Variants in ETFA observed in about 807,000 individuals in gnomAD.
ETFA encodes electron transfer flavoprotein subunit alpha, mitochondrial.
In ETFA, 22 loss-of-function variants were observed where a neutral mutation model predicts 46.2. The ratio of observed to expected loss-of-function variants is 0.48; its 90% CI spans 0.34 to 0.68. The LOEUF (loss-of-function observed/expected upper bound fraction) is 0.68, where lower values mean the gene tolerates loss of function less well. ETFA is among the 30% of genes least tolerant of loss of function. The pLI is 0.01. For synonymous variants in ETFA, 131 were observed against 139.9 expected, an observed-to-expected ratio of 0.94 and a Z score of 0.45; for missense variants, 345 against 401.1, an observed-to-expected ratio of 0.86 and a Z score of 1.19.
intron 1 of ETFA, among the ~76,000 whole-genome samples, chr15:76,301,284 C>A (rs865890142): frequency 6.6e-6 from 1 of 152,180 alleles, no homozygotes; most frequent in African/African-American, 2.4e-5. Context: ...ATCATATTCA[C>A]CTGATTGTCT....
chr15:76,295,439 T>C (rs530233199), intron 2 of ETFA, 152 bp downstream of exon 2: 1 of 719,510 alleles, frequency 1.4e-6, no homozygotes, highest in South Asian at 1.5e-5. Flanking sequence ...TTAGTTCCTT[T>C]TTCACACATG....
intron 9 of ETFA, among the ~76,000 whole-genome samples, chr15:76,243,831 CAA>C (rs2039218713): frequency 6.7e-6 from 1 of 150,078 alleles, no homozygotes; most frequent in African/African-American, 2.4e-5. Flanking sequence ...AAAAAAAAAA[CAA>C]AGTTTTTTTC....
intron 9 of ETFA, among the ~76,000 whole-genome samples, chr15:76,236,091 T>C (rs996066780): frequency 6.6e-6 from 1 of 152,210 alleles, no homozygotes; most frequent in African/African-American, 2.4e-5. Context: ...AGTAAGTATA[T>C]ACTAACATCA....
intron 11 of ETFA, among the ~76,000 whole-genome samples, chr15:76,220,192 G>A (rs935940379): frequency 2.6e-5 from 4 of 152,138 alleles, no homozygotes; most frequent in Admixed American, 6.5e-5. Context: ...TCAGCCTCCC[G>A]AGTAGCTGGG....
chr15:76,295,105 TAAC>T (rs545294285), intron 2 of ETFA, among the ~76,000 whole-genome samples: 13 of 151,924 alleles, frequency 8.6e-5, no homozygotes, highest in Non-Finnish European at 1.5e-4. Context: ...ATTTCAACAA[TAAC>T]AACAACAACA....
intron 1 of ETFA, among the ~76,000 whole-genome samples, chr15:76,302,431 T>C (rs1176948410): frequency 6.6e-6 from 1 of 150,696 alleles, no homozygotes; most frequent in Non-Finnish European, 1.5e-5. Flanking sequence ...ATCCCAACTA[T>C]ATGACACTCT....
Position 76,241,334 on chromosome 15 carries a change from C to A in ETFA, c.817-9936G>T, listed in dbSNP as rs537725485. On this transcript the variant is annotated intron_variant, in intron 9 of 11. Transcript: ENST00000557943. The stretch of plus-strand genomic sequence containing the variant: ...TAGGCAACACAGCAAGACCCCATCT[C>A]TACAAAAAATAAAAAACAAATTAGC... Among the ~76,000 whole-genome samples, 6 of 151,982 alleles carry A rather than the reference C, an allele frequency of 3.9e-5. No homozygotes were observed. In the South Asian group the frequency reaches 1.3e-3, roughly 32 times the overall value.
chr15:76,249,481 G>A (rs1292757063), intron 9 of ETFA, among the ~76,000 whole-genome samples: 8 of 120,178 alleles, frequency 6.7e-5, no homozygotes, highest in Non-Finnish European at 1.1e-4. Flanking sequence ...TCGTTCTGTC[G>A]CCCAGGCTGG....
At chr15:76,262,716 T>C (rs531760478) in intron 9 of ETFA, among the ~76,000 whole-genome samples, 2 of 152,142 alleles carry the variant, frequency 1.3e-5, no homozygotes, top group East Asian at 1.9e-4. Flanking sequence ...TCTCCTGACC[T>C]GGTGATCTGC....
At chr15:76,292,264 C>T (rs560891389) in intron 4 of ETFA, among the ~76,000 whole-genome samples, 167 bp downstream of exon 4, 27 of 152,234 alleles carry the variant, frequency 1.8e-4, no homozygotes, top group East Asian at 9.6e-4. Context: ...GTAGTTTTAA[C>T]GGAAAATTAT....
intron 9 of ETFA, among the ~76,000 whole-genome samples, chr15:76,246,840 A>T (rs1270798433): frequency 1.3e-5 from 2 of 152,084 alleles, no homozygotes; most frequent in African/African-American, 4.8e-5. Context: ...TCTCAAAAAA[A>T]AAAAAGAAAA....
chr15:76,301,816 T>C (rs945769216), intron 1 of ETFA, among the ~76,000 whole-genome samples: 6 of 151,916 alleles, frequency 3.9e-5, no homozygotes, highest in East Asian at 1.9e-4. Flanking sequence ...AAAAGACTTA[T>C]CTAAAAAAAA....
intron 1 of ETFA, among the ~76,000 whole-genome samples, chr15:76,302,371 A>G (rs548649397): frequency 9.4e-6 from 1 of 106,484 alleles, no homozygotes; most frequent in African/African-American, 3.2e-5. Flanking sequence ...CCTTGAATGC[A>G]TATTACTTAG....
intron 4 of ETFA, among the ~76,000 whole-genome samples, chr15:76,290,777 T>C (rs770405215): frequency 5.9e-5 from 9 of 152,168 alleles, no homozygotes; most frequent in Admixed American, 1.3e-4. Flanking sequence ...GAATGTACAA[T>C]TGTTAACAGC....
chr15:76,272,986 T>C (rs2039554238), intron 9 of ETFA, among the ~76,000 whole-genome samples: 1 of 151,966 alleles, frequency 6.6e-6, no homozygotes, highest in South Asian at 2.1e-4. Context: ...ATTTTAAGCT[T>C]TAAATCTTCT....
At chr15:76,289,769 C>T (rs2039740911) in intron 4 of ETFA, among the ~76,000 whole-genome samples, 1 of 152,224 alleles carries the variant, frequency 6.6e-6, no homozygotes, top group African/African-American at 2.4e-5. Flanking sequence ...TTGGCTTCTT[C>T]TGATAGACGT....
intron 4 of ETFA, 73 bp from the exon 5 acceptor site, chr15:76,288,018 T>C (rs367920270): frequency 1.1e-6 from 1 of 928,238 alleles, no homozygotes. Context: ...AGTAATGACA[T>C]ATTCTAAATG....
chr15:76,236,507 A>C (rs1048132609), intron 9 of ETFA, among the ~76,000 whole-genome samples: 1 of 152,222 alleles, frequency 6.6e-6, no homozygotes, highest in Non-Finnish European at 1.5e-5. Context: ...GGAACCGTGG[A>C]CTATGGTCTG....
chr15:76,254,298 A>G (rs1158409076), intron 9 of ETFA, among the ~76,000 whole-genome samples: 1 of 152,214 alleles, frequency 6.6e-6, no homozygotes, highest in African/African-American at 2.4e-5. Flanking sequence ...ACTCCACTCA[A>G]AACTCTGGCT....
Sources: gnomAD v4.1 joint callset for allele counts (sites outside exome capture counted in the v4.1 genomes callset) on GRCh38, gnomAD v4.1.1 for gene constraint, MANE v1.5 for transcripts, NCBI Gene and HGNC (gene_info 2026-07-23, HGNC 2026-07-21) for gene names.